Variants in CHD7 observed in about 807,000 individuals in gnomAD.
CHD7 encodes the protein chromodomain helicase DNA binding protein 7, also known as ATP-dependent chromatin remodeler CHD7.
In CHD7, 24 loss-of-function variants were observed where a neutral mutation model predicts 307.3. The ratio of observed to expected loss-of-function variants is 0.08; its 90% confidence interval spans 0.06 to 0.11. The LOEUF is 0.11. CHD7 is among the 10% of genes least tolerant of loss of function. The pLI is 1.00. For missense variants in CHD7, 3,106 were observed against 3,727.1 expected (o/e 0.83, Z 4.34); for synonymous variants, 1,363 against 1,349.9 (o/e 1.01, Z -0.21).
At chr8:60,829,289 A>C (rs1804392526) in intron 14 of CHD7, among the ~76,000 whole-genome samples, 1 of 152,192 alleles carries the variant, frequency 6.6e-6, no homozygotes, top group South Asian at 2.1e-4. Context: ...GTGAGAAGTA[A>C]ATGAAGCATT....
intron 2 of CHD7, among the ~76,000 whole-genome samples, chr8:60,751,661 C>G (rs1809647642): frequency 6.6e-6 from 1 of 152,146 alleles, no homozygotes; most frequent in Non-Finnish European, 1.5e-5. Flanking sequence ...CCTTGTAAAA[C>G]TTTAGTAGTT....
At chr8:60,727,960 A>C (rs1474483064) in intron 1 of CHD7, among the ~76,000 whole-genome samples, 1 of 152,218 alleles carries the variant, frequency 6.6e-6, no homozygotes, top group Non-Finnish European at 1.5e-5. Context: ...CTCCATCCAG[A>C]AACAAGTCTC....
intron 4 of CHD7, among the ~76,000 whole-genome samples, chr8:60,797,875 G>T: frequency 6.6e-6 from 1 of 152,176 alleles, no homozygotes; most frequent in Non-Finnish European, 1.5e-5. Flanking sequence ...GCTGTACAAG[G>T]TAACTGGGCC....
chr8:60,735,622 C>T (rs1419321692), intron 1 of CHD7, among the ~76,000 whole-genome samples: 2 of 152,088 alleles, frequency 1.3e-5, no homozygotes, highest in African/African-American at 2.4e-5. Flanking sequence ...GTATAGTTAA[C>T]ATAAAATATG....
At chr8:60,712,539 G>A (rs1807332384) in intron 1 of CHD7, among the ~76,000 whole-genome samples, 1 of 152,084 alleles carries the variant, frequency 6.6e-6, no homozygotes, top group Non-Finnish European at 1.5e-5. Flanking sequence ...CATTCTCACT[G>A]GTGTTTCCCA....
chr8:60,780,394 A>G (rs1289749524), intron 2 of CHD7, among the ~76,000 whole-genome samples: 1 of 152,212 alleles, frequency 6.6e-6, no homozygotes, highest in Non-Finnish European at 1.5e-5. Context: ...CTTTCATGTC[A>G]ATGCAAGAAA....
chr8:60,852,432 A>G, intron 29 of CHD7, 66 bp from the exon 30 acceptor site: 3 of 1,469,700 alleles, frequency 2.0e-6, no homozygotes, highest in Non-Finnish European at 1.9e-6. Context: ...GGGAAGAAGA[A>G]AAGAAACAGT....
chr8:60,848,437 G>T, intron 23 of CHD7, 78 bp from the exon 24 acceptor site: 1 of 933,730 alleles, frequency 1.1e-6, no homozygotes, highest in Admixed American at 2.1e-5. Flanking sequence ...TGGATGAACA[G>T]CAGCAGCTGC....
intron 2 of CHD7, among the ~76,000 whole-genome samples, chr8:60,754,013 A>G (rs1364725541): frequency 6.6e-6 from 1 of 152,192 alleles, no homozygotes; most frequent in African/African-American, 2.4e-5. Context: ...ATATAAATTT[A>G]ATTCCAAAGT....
intron 1 of CHD7, among the ~76,000 whole-genome samples, chr8:60,693,144 C>T (rs568263045): frequency 3.9e-5 from 6 of 152,318 alleles, no homozygotes; most frequent in Middle Eastern, 3.4e-3. Flanking sequence ...GTGTCCTGGC[C>T]TGTTGGCATC....
chr8:60,694,020 T>C (rs1806332620), intron 1 of CHD7, among the ~76,000 whole-genome samples: 1 of 152,256 alleles, frequency 6.6e-6, no homozygotes, highest in Non-Finnish European at 1.5e-5. Flanking sequence ...CGTGAACTTT[T>C]ACATAAAGAA....
At chr8:60,730,176 A>C (rs1010343847) in intron 1 of CHD7, among the ~76,000 whole-genome samples, 2 of 152,204 alleles carry the variant, frequency 1.3e-5, no homozygotes, top group Non-Finnish European at 2.9e-5. Flanking sequence ...ATTATAAAAG[A>C]TGTTTCTTGA....
chr8:60,708,249 C>T (rs1000310742), intron 1 of CHD7, among the ~76,000 whole-genome samples: 11 of 152,200 alleles, frequency 7.2e-5, no homozygotes, highest in African/African-American at 2.7e-4. Flanking sequence ...CGAAATCACA[C>T]CTGGCTTTCT....
intron 6 of CHD7, among the ~76,000 whole-genome samples, chr8:60,805,615 A>T (rs952680146): frequency 6.6e-6 from 1 of 152,212 alleles, no homozygotes; most frequent in Non-Finnish European, 1.5e-5. Context: ...TTCTGGGAAC[A>T]GACTTGAGAC....
chr8:60,690,593 CAGGATA>C (rs1247009901), intron 1 of CHD7, among the ~76,000 whole-genome samples: 1 of 152,156 alleles, frequency 6.6e-6, no homozygotes, highest in Non-Finnish European at 1.5e-5. Flanking sequence ...TAAAGGCCAG[CAGGATA>C]AGGAAAACTG....
intron 2 of CHD7, among the ~76,000 whole-genome samples, chr8:60,765,136 A>G (rs1331339237): frequency 6.6e-6 from 1 of 152,072 alleles, no homozygotes; most frequent in Non-Finnish European, 1.5e-5. Context: ...TGGGACTTTG[A>G]TATTCCACCC....
rs765246706 is a variant in CHD7, at chr8:60,841,820, C to T, written c.4645-27C>T. 6 of 1,608,940 alleles carry T rather than the reference C, an allele frequency of 3.7e-6. No individual in the cohort carries two copies. The South Asian group carries it at 6.6e-5, about 18-fold the overall frequency. ...CCAAGAGCCACTCTTTGAGAAATGT[C>T]AAATGTATCTCCTCTTTTATTATTA... On this transcript the variant is annotated intron_variant, in intron 20 of 37. Transcript: ENST00000423902.
At chr8:60,754,099 C>G (rs1297286146) in intron 2 of CHD7, among the ~76,000 whole-genome samples, 2 of 152,178 alleles carry the variant, frequency 1.3e-5, no homozygotes, top group Non-Finnish European at 2.9e-5. Flanking sequence ...AAGCCTCTCA[C>G]CCCTCCACTA....
rs140148374 is a variant in CHD7 at position 60,852,299 on chromosome 8, T to G, written c.5894+52T>G. 2.3e-4 allele frequency: 353 copies of G among 1,515,564 alleles called. 1 individual carries two copies. The African/African-American group carries it at 4.0e-3, about 17-fold the overall frequency. The allele number at this position is 1,515,564 out of a possible 1,614,324, so 93.9% of individuals were successfully genotyped here. Reference sequence around the variant, plus strand: ...GCTCCCGGTACATGCCCCTCTGCCCTGCTCCTGTAGACCCACAAGAGACAG... The same window carrying G: ...GCTCCCGGTACATGCCCCTCTGCCCGGCTCCTGTAGACCCACAAGAGACAG... On this transcript the variant is annotated intron_variant, in intron 29 of 37. Coordinates refer to ENST00000423902, the MANE Select transcript of CHD7 (RefSeq NM_017780.4).
Sources: gnomAD v4.1 joint callset for allele counts (sites outside exome capture counted in the v4.1 genomes callset) on GRCh38, gnomAD v4.1.1 for gene constraint, MANE v1.5 for transcripts, NCBI Gene and HGNC (gene_info 2026-07-23, HGNC 2026-07-21) for gene names.